Variants in PTPRO observed in about 807,000 individuals in gnomAD.
PTPRO encodes the protein protein tyrosine phosphatase receptor type O.
In PTPRO, 62 loss-of-function variants were observed where a neutral mutation model predicts 145.2. The ratio of observed to expected loss-of-function variants is 0.43; its 90% CI spans 0.35 to 0.53. The LOEUF (loss-of-function observed/expected upper bound fraction) is 0.53. Ranked by LOEUF, PTPRO falls within the 20% of genes least tolerant of loss-of-function variation. PTPRO has a pLI of 0.01. For missense variants in PTPRO, 1,345 were observed against 1,482.7 expected (o/e 0.91, Z 1.53); for synonymous variants, 565 against 514.7 (o/e 1.10, Z -1.32).
intron 11 of PTPRO, among the ~76,000 whole-genome samples, chr12:15,525,273 T>G (rs1009223657): frequency 3.9e-5 from 6 of 152,252 alleles, no homozygotes; most frequent in African/African-American, 1.4e-4. Context: ...TTTCCCATTT[T>G]TTCCCATATA....
intron 6 of PTPRO, 95 bp from the exon 7 acceptor site, chr12:15,508,476 A>C (rs1942368796): frequency 7.7e-7 from 1 of 1,303,402 alleles, no homozygotes; most frequent in South Asian, 1.3e-5. Context: ...TCTCATTGTA[A>C]GGGCAAAAAG....
Position 15,516,346 on chromosome 12 carries a change from AAAAGAAAAG to A in PTPRO, c.1586-405_1586-397del, listed in dbSNP as rs1481167640. Among the ~76,000 whole-genome samples, 64 of 150,256 alleles carry A rather than the reference AAAAGAAAAG, an allele frequency of 4.3e-4. No individual in the cohort carries two copies. In the Middle Eastern group the frequency reaches 0.01, roughly 24 times the overall value. On this transcript the variant is annotated intron_variant, in intron 8 of 26. Transcript: ENST00000281171. ...AGCAAGACCCTGTCTCAAAAAAAAA[AAAAGAAAAG>A]AAAGAAAAGAAGAAAGAAAGAACGA...
intron 10 of PTPRO, among the ~76,000 whole-genome samples, chr12:15,521,199 A>G (rs1942713213): frequency 6.6e-6 from 1 of 152,122 alleles, no homozygotes; most frequent in Non-Finnish European, 1.5e-5. Context: ...CTCAGTAGAC[A>G]TCTAGTTTAC....
intron 25 of PTPRO, among the ~76,000 whole-genome samples, chr12:15,590,821 A>T (rs750722778): frequency 8.5e-5 from 13 of 152,206 alleles, no homozygotes; most frequent in Non-Finnish European, 1.5e-4. Context: ...TGGGGACATC[A>T]GTATCACTTT....
chr12:15,526,039 A>G (rs1942830270), intron 11 of PTPRO, 103 bp from the exon 12 acceptor site: 2 of 1,402,668 alleles, frequency 1.4e-6, no homozygotes, highest in Non-Finnish European at 2.0e-6. Context: ...ACTGCTGCAT[A>G]GAACAGAGAG....
At chr12:15,503,033 A>G (rs1017678411) in intron 5 of PTPRO, among the ~76,000 whole-genome samples, 2 of 152,186 alleles carry the variant, frequency 1.3e-5, no homozygotes, top group Admixed American at 1.3e-4. Context: ...GCATTCAACC[A>G]TACCCAAATA....
intron 2 of PTPRO, among the ~76,000 whole-genome samples, chr12:15,493,695 A>G (rs1942045506): frequency 6.6e-6 from 1 of 152,178 alleles, no homozygotes. Flanking sequence ...CACTGCTAAT[A>G]GATATGTAAA....
chr12:15,442,641 G>A (rs1277992345), intron 1 of PTPRO, among the ~76,000 whole-genome samples: 7 of 152,020 alleles, frequency 4.6e-5, no homozygotes, highest in South Asian at 2.1e-4. Flanking sequence ...TGACTTCAGC[G>A]AAGTTTCAGG....
chr12:15,551,569 A>G lies in PTPRO; in HGVS notation c.2456A>G (p.Asn819Ser), dbSNP rs756437333. The change falls in exon 15 of 27, where the codon AAT becomes AGT. Residue 819 changes from asparagine (N) to serine (S), a missense_variant. Asn to Ser is a conservative substitution (Grantham distance 46). This residue lies in a region of PTPRO where 1,130 missense variants were observed against 1,214.7 expected (regional missense o/e 0.93). Coordinates refer to ENST00000281171, the MANE Select transcript of PTPRO (RefSeq NM_030667.3). The part of the protein sequence containing the change: ...VSTMVTEMNP[N>S]VVVISVLAIL... The stretch of plus-strand genomic sequence containing the variant: ...TCTTTAGTTACAGAGATGAATCCCA[A>G]TGTGGTAGTGATCTCCGTGCTGGCC... The G allele has an allele frequency of 2.4e-5, 39 of 1,613,462 alleles. No homozygotes were observed. The highest frequency in any genetic ancestry group is 1.6e-4 in the Middle Eastern group (1 of 6,082).
chr12:15,569,574 G>A, intron 19 of PTPRO, 76 bp downstream of exon 19: 4 of 1,310,594 alleles, frequency 3.1e-6, no homozygotes, highest in Non-Finnish European at 4.4e-6. Flanking sequence ...TTGCGGTCAT[G>A]TCCCTGCTCA....
chr12:15,525,666 T>C (rs910963210), intron 11 of PTPRO, among the ~76,000 whole-genome samples: 9 of 152,338 alleles, frequency 5.9e-5, no homozygotes, highest in Middle Eastern at 6.8e-3. Context: ...CATTTGTCCA[T>C]GTGACTTCTA....
At chr12:15,325,348 T>A (rs1866415100) in intron 1 of PTPRO, among the ~76,000 whole-genome samples, 1 of 152,180 alleles carries the variant, frequency 6.6e-6, no homozygotes, top group Non-Finnish European at 1.5e-5. Flanking sequence ...TGAGGGAGAC[T>A]AAATGTGACT....
chr12:15,567,579 G>A (rs1044002232), intron 18 of PTPRO, among the ~76,000 whole-genome samples: 74 of 151,914 alleles, frequency 4.9e-4, no homozygotes, highest in African/African-American at 1.6e-3. Flanking sequence ...TTTGCCTTCT[G>A]TATACATGTG....
At chr12:15,398,684 G>T (rs1261095058) in intron 1 of PTPRO, among the ~76,000 whole-genome samples, 1 of 145,176 alleles carries the variant, frequency 6.9e-6, no homozygotes, top group East Asian at 2.0e-4. Flanking sequence ...ATATTTTACA[G>T]AAACTCTTTT....
intron 1 of PTPRO, among the ~76,000 whole-genome samples, chr12:15,354,417 T>A (rs912286121): frequency 1.2e-4 from 19 of 152,236 alleles, no homozygotes; most frequent in African/African-American, 4.3e-4. Flanking sequence ...TTCTTAGTGC[T>A]TCAAACTAGA....
At chr12:15,496,536 A>G (rs1299377178) in intron 2 of PTPRO, among the ~76,000 whole-genome samples, 1 of 152,164 alleles carries the variant, frequency 6.6e-6, no homozygotes, top group African/African-American at 2.4e-5. Context: ...ATTTTGCAGG[A>G]GAGTGGGAGG....
chr12:15,499,949 C>T (rs1375000986), intron 4 of PTPRO, among the ~76,000 whole-genome samples: 2 of 152,064 alleles, frequency 1.3e-5, no homozygotes, highest in African/African-American at 2.4e-5. Flanking sequence ...TACAGATTAT[C>T]AGATTATTAA....
chr12:15,338,684 G>C (rs1328722876), intron 1 of PTPRO, among the ~76,000 whole-genome samples: 1 of 152,088 alleles, frequency 6.6e-6, no homozygotes, highest in Admixed American at 6.6e-5. Flanking sequence ...AATTGATAAA[G>C]TAATATTCTT....
intron 1 of PTPRO, among the ~76,000 whole-genome samples, chr12:15,428,132 C>A (rs917215351): frequency 1.2e-4 from 19 of 152,092 alleles, no homozygotes; most frequent in African/African-American, 4.3e-4. Flanking sequence ...GGGGCACTCT[C>A]ATGATTGCAA....
Sources: allele counts gnomAD v4.1 joint callset (sites outside exome capture counted in the v4.1 genomes callset), GRCh38; gene constraint gnomAD v4.1.1; regional missense constraint gnomAD v4.1.1; transcripts MANE v1.5; gene names NCBI Gene and HGNC (gene_info 2026-07-23, HGNC 2026-07-21).